Variants in UBE2U observed in about 807,000 individuals in gnomAD.
UBE2U encodes ubiquitin conjugating enzyme E2 U, also known as ubiquitin-conjugating enzyme E2 U.
In UBE2U, 39 loss-of-function variants were observed where a neutral mutation model predicts 41.2. The ratio of observed to expected loss-of-function variants is 0.95; its 90% confidence interval spans 0.73 to 1.24. UBE2U has a LOEUF of 1.24. Among genes scored for constraint, UBE2U ranks in the 50% most tolerant of loss-of-function variants. The pLI is 0.00. For synonymous variants in UBE2U, 107 were observed against 117.8 expected, an observed-to-expected ratio of 0.91 and a Z score of 0.60; for missense variants, 336 against 363.1, an observed-to-expected ratio of 0.93 and a Z score of 0.61.
intron 5 of UBE2U, among the ~76,000 whole-genome samples, chr1:64,218,361 A>G (rs1276961462): frequency 2.0e-5 from 3 of 152,224 alleles, no homozygotes; most frequent in Non-Finnish European, 4.4e-5. Flanking sequence ...TATACCAGAT[A>G]GTCCAGTAAC....
At chr1:64,225,101 T>C (rs1652777006) in intron 6 of UBE2U, among the ~76,000 whole-genome samples, 1 of 152,302 alleles carries the variant, frequency 6.6e-6, no homozygotes, top group South Asian at 2.1e-4. Flanking sequence ...GGTACTGATT[T>C]CATAGAATTA....
rs139688993 is a variant in UBE2U, at chr1:64,227,527, C to A, written c.507-5034C>A. Among the ~76,000 whole-genome samples, 1,122 of 152,266 alleles carry A rather than the reference C, an allele frequency of 7.4e-3. 12 individuals carry two copies. The highest frequency in any genetic ancestry group is 0.026 in the African/African-American group (1,085 of 41,550). On this transcript the variant is annotated intron_variant, in intron 6 of 9. Coordinates refer to ENST00000371077, the MANE Select transcript of UBE2U (RefSeq NM_001366232.2). ...TTTAAAAATACCACTTACGGCCAGG[C>A]GCCATGGCTCATGCCTGTAATCCCA... is the stretch of plus-strand genomic sequence containing the variant.
At position 64,210,848 on chromosome 1, in the gene UBE2U, G is replaced by T; in HGVS notation, c.339+9G>T. ...TCTTACTTGCCCTACAGGTAAGAAT[G>T]GATTTCATATAATCCTCTCTTTAAT... On this transcript the variant is annotated intron_variant, in intron 4 of 9. Coordinates refer to ENST00000371077, the MANE Select transcript of UBE2U (RefSeq NM_001366232.2). 1 of 1,568,508 alleles carries T rather than the reference G, an allele frequency of 6.4e-7. No individual in the cohort carries two copies. The highest frequency in any genetic ancestry group is 2.3e-5 in the East Asian group (1 of 44,166).
chr1:64,207,231 A>G (rs1440046116), intron 3 of UBE2U, among the ~76,000 whole-genome samples: 2 of 151,130 alleles, frequency 1.3e-5, no homozygotes, highest in African/African-American at 4.9e-5. Context: ...GCTCACTGCA[A>G]CCTTCACCTC....
chr1:64,217,661 G>T (rs1205918369), intron 5 of UBE2U, among the ~76,000 whole-genome samples: 1 of 152,016 alleles, frequency 6.6e-6, no homozygotes, highest in African/African-American at 2.4e-5. Flanking sequence ...TAAGCCTGAG[G>T]TAATTATTTT....
intron 7 of UBE2U, among the ~76,000 whole-genome samples, chr1:64,239,731 G>T (rs189446130): frequency 6.6e-6 from 1 of 152,032 alleles, no homozygotes; most frequent in Admixed American, 6.6e-5. Flanking sequence ...GTATTCCATG[G>T]TGTATATGTG....
At chr1:64,242,540 T>G (rs1382612396) in intron 8 of UBE2U, among the ~76,000 whole-genome samples, 1 of 152,232 alleles carries the variant, frequency 6.6e-6, no homozygotes, top group Non-Finnish European at 1.5e-5. Flanking sequence ...ACACGATGAA[T>G]AAAGATAACG....
At chr1:64,228,937 G>A (rs1476138655) in intron 6 of UBE2U, among the ~76,000 whole-genome samples, 2 of 144,278 alleles carry the variant, frequency 1.4e-5, no homozygotes, top group Non-Finnish European at 3.0e-5. Flanking sequence ...CTCAGCTCAC[G>A]GCAACCTCTG....
rs1418255367 is a variant in UBE2U, at chr1:64,214,878, A to G, written c.403A>G (p.Lys135Glu). The change falls in exon 5 of 10, where the codon AAA (lysine) becomes GAA (glutamate). Residue 135 changes from lysine to glutamate, a missense_variant. Transcript: ENST00000371077. ...TTTGGAAGCAGCCAGAATACTGGTT[A>G]AAGATGAATCTCTGTACAGAACAAT... ...VNLEAARILV[K>E]DESLYRTILR... is the part of the protein sequence containing the mutation. 2 of 1,614,086 alleles carry G rather than the reference A, an allele frequency of 1.2e-6. No homozygotes were observed. The highest frequency in any genetic ancestry group is 1.6e-4 in the Middle Eastern group (1 of 6,082).
At chr1:64,255,240 T>C (rs1288686386) in intron 8 of UBE2U, among the ~76,000 whole-genome samples, 2 of 152,142 alleles carry the variant, frequency 1.3e-5, no homozygotes, top group East Asian at 3.9e-4. Flanking sequence ...AATCCCTGAA[T>C]TGACCAATAA....
chr1:64,232,911 G>A (rs983815926), intron 7 of UBE2U, among the ~76,000 whole-genome samples: 1 of 151,684 alleles, frequency 6.6e-6, no homozygotes, highest in Non-Finnish European at 1.5e-5. Context: ...GCTAACTGCA[G>A]CCTCAAACTC....
chr1:64,231,106 C>T (rs1644555907), intron 6 of UBE2U, among the ~76,000 whole-genome samples: 1 of 151,968 alleles, frequency 6.6e-6, no homozygotes, highest in African/African-American at 2.4e-5. Flanking sequence ...TAAAGTTATA[C>T]CTTTTAGGGT....
chr1:64,204,099 AAGG>A lies in UBE2U; in HGVS notation c.52_54del (p.Glu18del), dbSNP rs1310389118. On this transcript the variant is annotated inframe_deletion, in exon 1 of 10. Transcript: ENST00000371077. ...GCTGCACAGAGACTTCTGTGATCTC[AAGG>A]AGAACAATTATAAGGTAAGTACTGG... is the stretch of plus-strand genomic sequence containing the variant. 2 of 1,613,438 alleles carry A rather than the reference AAGG, an allele frequency of 1.2e-6. No homozygotes were observed. Among genetic ancestry groups the A allele is most frequent in the Non-Finnish European group, 1.7e-6 (2 of 1,179,648 alleles).
At chr1:64,244,008 G>A in intron 8 of UBE2U, 2 of 630,326 alleles carry the variant, frequency 3.2e-6, no homozygotes, top group Non-Finnish European at 5.8e-6. Flanking sequence ...GAAGGTGTGA[G>A]GATTAAATAA....
intron 1 of UBE2U, 33 bp from the exon 2 acceptor site, chr1:64,205,606 T>G: frequency 2.6e-6 from 4 of 1,563,994 alleles, no homozygotes; most frequent in Non-Finnish European, 3.5e-6. Flanking sequence ...CTTAATAAGT[T>G]TTTTCTGATT....
intron 4 of UBE2U, among the ~76,000 whole-genome samples, chr1:64,213,901 C>T (rs900744081): frequency 1.3e-5 from 2 of 152,180 alleles, no homozygotes; most frequent in Middle Eastern, 3.4e-3. Flanking sequence ...TGTTACTGTA[C>T]TAAACACTAT....
chr1:64,229,349 ATGATGAGGTACT>A (rs976306814), intron 6 of UBE2U, among the ~76,000 whole-genome samples: 8 of 152,278 alleles, frequency 5.3e-5, no homozygotes, highest in African/African-American at 1.7e-4. Flanking sequence ...TAGGAGAGAA[ATGATGAGGTACT>A]TATCAAGGCA....
intron 8 of UBE2U, among the ~76,000 whole-genome samples, chr1:64,243,785 A>C (rs928607914): frequency 6.6e-6 from 1 of 152,138 alleles, no homozygotes; most frequent in African/African-American, 2.4e-5. Context: ...TCGGATCAGC[A>C]AGGTCTTTGC....
At chr1:64,213,864 G>C (rs1402458751) in intron 4 of UBE2U, among the ~76,000 whole-genome samples, 4 of 152,100 alleles carry the variant, frequency 2.6e-5, no homozygotes, top group African/African-American at 9.7e-5. Context: ...ATAGCCTGTT[G>C]CTCCTAGGCT....
Sources: gnomAD v4.1 joint callset for allele counts (sites outside exome capture counted in the v4.1 genomes callset) on GRCh38, gnomAD v4.1.1 for gene constraint, MANE v1.5 for transcripts, NCBI Gene and HGNC (gene_info 2026-07-23, HGNC 2026-07-21) for gene names.